Variants in PTPN13 observed in about 807,000 individuals in gnomAD.
PTPN13 encodes protein tyrosine phosphatase non-receptor type 13.
PTPN13 carries 191 observed loss-of-function variants against 284.0 expected under a neutral mutation model. The observed-to-expected ratio is 0.67, with a 90% CI of 0.60 to 0.76. The LOEUF (loss-of-function observed/expected upper bound fraction) is 0.76, where lower values mean the gene tolerates loss of function less well. Among genes scored for constraint, PTPN13 ranks in the 30% least tolerant of loss-of-function variants. PTPN13 has a pLI of 0.00. For missense variants in PTPN13, 2,797 were observed against 2,939.9 expected (o/e 0.95, Z 1.12); for synonymous variants, 986 against 1,022.3 (o/e 0.96, Z 0.68).
At chr4:86,765,513 A>G (rs1351060964) in intron 26 of PTPN13, 25 bp downstream of exon 26, 1 of 1,457,182 alleles carries the variant, frequency 6.9e-7, no homozygotes, top group African/African-American at 1.4e-5. Flanking sequence ...TTATGTGGGA[A>G]TTATATGTAT....
Position 86,679,803 on chromosome 4 carries a change from G to A in PTPN13, c.295-6907G>A, listed in dbSNP as rs184693314. Among the ~76,000 whole-genome samples the A allele has an allele frequency of 3.1e-4, 47 of 152,302 alleles. 1 individual carries two copies. The highest frequency in any genetic ancestry group is 1.1e-3 in the African/African-American group (45 of 41,578). On this transcript the variant is annotated intron_variant, in intron 3 of 47. Transcript: ENST00000411767. ...TGTCTCACCCAGCCTGTCTCTTGTG[G>A]TCAGTGAGACAAATCTTTGAAGGCT... is the stretch of plus-strand genomic sequence containing the variant.
At chr4:86,793,327 A>C (rs536103396) in intron 40 of PTPN13, among the ~76,000 whole-genome samples, 17 of 152,344 alleles carry the variant, frequency 1.1e-4, no homozygotes, top group African/African-American at 4.1e-4. Flanking sequence ...ATGTGCACCC[A>C]ATACAGGAGC....
intron 15 of PTPN13, among the ~76,000 whole-genome samples, chr4:86,738,309 A>G (rs2149155120): frequency 6.6e-6 from 1 of 152,336 alleles, no homozygotes; most frequent in East Asian, 1.9e-4. Context: ...AAATCATTGT[A>G]CAGTTTTACA....
At chr4:86,778,789 A>AT (rs1338601810) in intron 35 of PTPN13, among the ~76,000 whole-genome samples, 3 of 152,044 alleles carry the variant, frequency 2.0e-5, no homozygotes, top group East Asian at 1.9e-4. Context: ...AAATTTACAG[A>AT]TTTTTTTAAC....
At position 86,741,678 on chromosome 4, in the gene PTPN13, G is replaced by A; in HGVS notation, c.2349G>A (p.Val783=). The A allele has an allele frequency of 1.2e-6, 2 of 1,613,712 alleles. No individual in the cohort carries two copies. Among genetic ancestry groups the A allele is most frequent in the South Asian group, 2.2e-5 (2 of 91,036 alleles). ...LTEYGVHFHR[V]HPEKKSQTGI... is the part of the protein sequence containing the mutation. ...AATATGGAGTTCATTTTCACCGAGT[G>A]CACCCTGAGAAGAAGTCACAAACAG... Residue 783 remains valine, a synonymous_variant, in exon 16 of 48, where the codon GTG becomes GTA. Transcript: ENST00000411767.
At chr4:86,606,679 T>C (rs1764776405) in intron 1 of PTPN13, among the ~76,000 whole-genome samples, 1 of 151,886 alleles carries the variant, frequency 6.6e-6, no homozygotes, top group Non-Finnish European at 1.5e-5. Context: ...ATTCAATAAA[T>C]AGGTTTAGTA....
At position 86,628,851 on chromosome 4, in the gene PTPN13, C is replaced by A. The variant is rs1338884494; in HGVS notation, c.-5-6401C>A. On this transcript the variant is annotated intron_variant, in intron 1 of 47. Transcript: ENST00000411767. ...ATGAACTCATCATTTTTTATGGCTGCATAGTATTCCATGGTGTATATGTGC... is the reference window on the plus strand; with the variant it reads ...ATGAACTCATCATTTTTTATGGCTGAATAGTATTCCATGGTGTATATGTGC... 3.3e-5 allele frequency among the ~76,000 whole-genome samples: 5 copies of A among 149,838 alleles called. No homozygotes were observed. In the East Asian group the frequency reaches 9.8e-4, roughly 29 times the overall value.
chr4:86,788,305 A>G (rs982610927), intron 40 of PTPN13, among the ~76,000 whole-genome samples: 2 of 152,216 alleles, frequency 1.3e-5, no homozygotes, highest in South Asian at 4.1e-4. Flanking sequence ...TATTTCTAGA[A>G]TATTACCTAC....
chr4:86,701,275 A>G lies in PTPN13; in HGVS notation c.669A>G (p.Gln223=), dbSNP rs753442131. The G allele has an allele frequency of 1.3e-6, 2 of 1,598,460 alleles. No individual in the cohort carries two copies. Among genetic ancestry groups the G allele is most frequent in the Non-Finnish European group, 1.7e-6 (2 of 1,173,848 alleles). ...RSSTSDVLDI[Q]KPPLSHQTFL... ...CTACTTCTGATGTACTAGACATACA[A>G]AAGCCTCCACTCTCTCATCAGACCT... Residue 223 remains glutamine, a synonymous_variant, in exon 7 of 48, where the codon CAA becomes CAG. Coordinates refer to ENST00000411767, the MANE Select transcript of PTPN13 (RefSeq NM_080683.3).
intron 2 of PTPN13, among the ~76,000 whole-genome samples, chr4:86,667,405 G>GT (rs918004906): frequency 1.9e-4 from 29 of 149,418 alleles, no homozygotes; most frequent in Admixed American, 4.0e-4. Context: ...AGAGAAACAA[G>GT]TTTTTTTTTT....
chr4:86,747,566 C>T (rs910593035), intron 17 of PTPN13, among the ~76,000 whole-genome samples: 5 of 139,258 alleles, frequency 3.6e-5, no homozygotes, highest in African/African-American at 1.0e-4. Flanking sequence ...GCAGCAGCAG[C>T]AGCAGCAGCA....
intron 1 of PTPN13, among the ~76,000 whole-genome samples, chr4:86,623,545 G>T (rs946983851): frequency 1.3e-5 from 2 of 152,084 alleles, no homozygotes; most frequent in African/African-American, 4.8e-5. Flanking sequence ...TCCAAATAAA[G>T]ACAATAACCA....
At chr4:86,795,029 A>G (rs1290967650) in intron 40 of PTPN13, among the ~76,000 whole-genome samples, 1 of 152,230 alleles carries the variant, frequency 6.6e-6, no homozygotes. Flanking sequence ...AATGGCAACA[A>G]AAGCCAAAAT....
intron 2 of PTPN13, 70 bp from the exon 3 acceptor site, chr4:86,672,295 C>A: frequency 7.6e-7 from 1 of 1,308,648 alleles, no homozygotes; most frequent in Non-Finnish European, 1.0e-6. Context: ...ATTGCTGTTT[C>A]CTGTGATTAT....
intron 44 of PTPN13, among the ~76,000 whole-genome samples, 172 bp from the exon 45 acceptor site, chr4:86,807,388 A>C (rs1277335531): frequency 6.6e-6 from 1 of 152,246 alleles, no homozygotes; most frequent in African/African-American, 2.4e-5. Flanking sequence ...AAGAATAAAC[A>C]TAAAATAATT....
chr4:86,812,910 C>CAAAG (rs1745403928), intron 47 of PTPN13, among the ~76,000 whole-genome samples: 1 of 151,724 alleles, frequency 6.6e-6, no homozygotes, highest in African/African-American at 2.4e-5. Context: ...GTGTTATAAG[C>CAAAG]AAAGAGATCA....
In PTPN13 at chr4:86,774,540, TTTAA is replaced by T; in HGVS notation, c.5508+10_5508+13del. 1 of 1,584,948 alleles carries T rather than the reference TTTAA, an allele frequency of 6.3e-7. No individual in the cohort carries two copies. Among genetic ancestry groups the T allele is most frequent in the Non-Finnish European group, 8.6e-7 (1 of 1,165,974 alleles). Reference sequence around the variant, plus strand: ...GGGACCGGCTCATAAAGGTGAGACATTTAAGAGGAATGGATTATTTGTGTAAATG... The same window carrying T: ...GGGACCGGCTCATAAAGGTGAGACATGAGGAATGGATTATTTGTGTAAATG... On this transcript the variant is annotated intron_variant, in intron 33 of 47. Transcript: ENST00000411767.
At chr4:86,750,165 A>G (rs921591526) in intron 17 of PTPN13, among the ~76,000 whole-genome samples, 8 of 152,164 alleles carry the variant, frequency 5.3e-5, no homozygotes, top group African/African-American at 1.7e-4. Context: ...ACTGAAACCT[A>G]TAAGGAATTT....
At chr4:86,656,490 A>G (rs760161240) in intron 2 of PTPN13, among the ~76,000 whole-genome samples, 1 of 151,994 alleles carries the variant, frequency 6.6e-6, no homozygotes, top group Admixed American at 6.6e-5. Context: ...GGTCTGTTGG[A>G]GTTTGCTGGA....
Sources: gnomAD v4.1 joint callset for allele counts (sites outside exome capture counted in the v4.1 genomes callset) on GRCh38, gnomAD v4.1.1 for gene constraint, MANE v1.5 for transcripts, NCBI Gene and HGNC (gene_info 2026-07-23, HGNC 2026-07-21) for gene names.